NDST3: variants seen among roughly 807,000 people sequenced by gnomAD.
NDST3 encodes the protein bifunctional heparan sulfate N-deacetylase/N-sulfotransferase 3.
NDST3 carries 58 observed loss-of-function variants against 96.1 expected under a neutral mutation model. The ratio of observed to expected loss-of-function variants is 0.60; its 90% CI spans 0.49 to 0.75. The LOEUF is 0.75. Ranked by LOEUF, NDST3 falls within the 30% of genes least tolerant of loss-of-function variation. NDST3 has a pLI of 0.00. For missense variants in NDST3, 788 were observed against 1,034.2 expected (o/e 0.76, Z 3.27); for synonymous variants, 333 against 359.7 (o/e 0.93, Z 0.84).
rs1369526149 is a variant in NDST3 at position 118,054,506 on chromosome 4, C to T, written c.596C>T (p.Ser199Phe). 1 of 1,613,230 alleles carries T rather than the reference C, an allele frequency of 6.2e-7. No individual in the cohort carries two copies. The highest frequency in any genetic ancestry group is 1.1e-5 in the South Asian group (1 of 91,060). The change falls in exon 2 of 14, where the codon TCT becomes TTT. Residue 199 changes from serine to phenylalanine, a missense_variant. Coordinates refer to ENST00000296499, the MANE Select transcript of NDST3 (RefSeq NM_004784.3). ...AVKDCCINPH[S>F]PLIRVTKSSK... Reference sequence around the variant, plus strand: ...AAAGATTGTTGTATTAATCCTCATTCTCCATTGATTCGTGTGACCAAATCT... The same window carrying T: ...AAAGATTGTTGTATTAATCCTCATTTTCCATTGATTCGTGTGACCAAATCT...
At chr4:118,135,578 A>G (rs1195144225) in intron 4 of NDST3, among the ~76,000 whole-genome samples, 2 of 152,208 alleles carry the variant, frequency 1.3e-5, no homozygotes, top group African/African-American at 4.8e-5. Context: ...ATTTTAGAGA[A>G]CAGGAAACAA....
chr4:118,108,613 G>A (rs780130401), intron 3 of NDST3, among the ~76,000 whole-genome samples: 4 of 152,040 alleles, frequency 2.6e-5, no homozygotes, highest in Admixed American at 6.6e-5. Flanking sequence ...TTTTTAGATA[G>A]AAGCATACTG....
intron 6 of NDST3, among the ~76,000 whole-genome samples, chr4:118,173,276 T>G (rs186938680): frequency 6.6e-6 from 1 of 152,226 alleles, no homozygotes; most frequent in Admixed American, 6.5e-5. Context: ...AGAAGTTGCA[T>G]AATTGGACCA....
intron 1 of NDST3, among the ~76,000 whole-genome samples, chr4:118,039,331 T>TGAA (rs1376622005): frequency 6.6e-6 from 1 of 152,198 alleles, no homozygotes; most frequent in Non-Finnish European, 1.5e-5. Flanking sequence ...AAGGTAGCTG[T>TGAA]TCATAGAAGA....
chr4:118,231,928 GA>G (rs1204926147), intron 8 of NDST3, among the ~76,000 whole-genome samples: 2 of 151,936 alleles, frequency 1.3e-5, no homozygotes, highest in African/African-American at 4.8e-5. Context: ...CTCACTTTTT[GA>G]AAAATCACAC....
intron 6 of NDST3, among the ~76,000 whole-genome samples, chr4:118,186,056 T>C (rs1411149985): frequency 1.3e-5 from 2 of 152,148 alleles, no homozygotes; most frequent in African/African-American, 4.8e-5. Context: ...AGGTTATTTT[T>C]TGGGTAACGG....
intron 2 of NDST3, among the ~76,000 whole-genome samples, chr4:118,092,539 C>T (rs769758348): frequency 3.2e-4 from 48 of 151,856 alleles, no homozygotes; most frequent in Non-Finnish European, 6.2e-4. Context: ...TGTCCCTTCA[C>T]TGACCCTCCA....
chr4:118,151,214 A>C (rs1473521917), intron 6 of NDST3, among the ~76,000 whole-genome samples: 2 of 152,174 alleles, frequency 1.3e-5, no homozygotes, highest in Admixed American at 6.5e-5. Context: ...AGGAAGGGGA[A>C]CATTACACTC....
At chr4:118,101,332 C>A (rs1348214525) in intron 2 of NDST3, among the ~76,000 whole-genome samples, 2 of 149,268 alleles carry the variant, frequency 1.3e-5, no homozygotes, top group African/African-American at 2.5e-5. Context: ...TATTTTAATG[C>A]CTGCAAACTT....
At chr4:118,154,488 C>T (rs1331911078) in intron 6 of NDST3, among the ~76,000 whole-genome samples, 1 of 152,112 alleles carries the variant, frequency 6.6e-6, no homozygotes, top group East Asian at 1.9e-4. Flanking sequence ...GAATAGCAAG[C>T]CTAGTTTTAA....
intron 2 of NDST3, among the ~76,000 whole-genome samples, chr4:118,101,629 T>C (rs1425660792): frequency 4.6e-5 from 7 of 152,110 alleles, no homozygotes; most frequent in African/African-American, 1.4e-4. Flanking sequence ...TTCTAAAAAA[T>C]GTGTTGTTAG....
intron 6 of NDST3, among the ~76,000 whole-genome samples, chr4:118,174,103 T>G (rs1472818666): frequency 8.2e-6 from 1 of 122,050 alleles, no homozygotes; most frequent in Non-Finnish European, 1.6e-5. Flanking sequence ...ATAAACATAA[T>G]TTTTTGTGGT....
intron 6 of NDST3, among the ~76,000 whole-genome samples, chr4:118,171,227 C>A (rs1371180456): frequency 6.6e-6 from 1 of 152,162 alleles, no homozygotes; most frequent in Non-Finnish European, 1.5e-5. Context: ...AGAACTCAGT[C>A]AAAGCCAAAT....
intron 8 of NDST3, among the ~76,000 whole-genome samples, chr4:118,229,792 T>C (rs2125998233): frequency 6.6e-6 from 1 of 152,358 alleles, no homozygotes; most frequent in South Asian, 2.1e-4. Flanking sequence ...ATTTTTAACT[T>C]TAAAAATGCC....
intron 6 of NDST3, among the ~76,000 whole-genome samples, chr4:118,152,321 G>A (rs924908442): frequency 6.6e-6 from 1 of 152,128 alleles, no homozygotes; most frequent in African/African-American, 2.4e-5. Context: ...AGTTACCTCA[G>A]GTAATGGGAC....
intron 2 of NDST3, among the ~76,000 whole-genome samples, chr4:118,100,808 C>G (rs1423950620): frequency 6.6e-6 from 1 of 152,086 alleles, no homozygotes; most frequent in Non-Finnish European, 1.5e-5. Flanking sequence ...ATCATGTCTA[C>G]CACTTCTGAA....
chr4:118,124,860 A>G (rs1035314256), intron 4 of NDST3, among the ~76,000 whole-genome samples: 1 of 151,988 alleles, frequency 6.6e-6, no homozygotes, highest in Admixed American at 6.6e-5. Flanking sequence ...TTATCCAAAG[A>G]CTTTTGTTAC....
At chr4:118,082,718 T>A (rs1728119347) in intron 2 of NDST3, among the ~76,000 whole-genome samples, 1 of 152,154 alleles carries the variant, frequency 6.6e-6, no homozygotes, top group South Asian at 2.1e-4. Context: ...AAGATATGCA[T>A]AAATGTAAGA....
intron 2 of NDST3, among the ~76,000 whole-genome samples, chr4:118,078,696 C>T (rs1273552748): frequency 6.6e-6 from 1 of 151,114 alleles, no homozygotes; most frequent in Non-Finnish European, 1.5e-5. Context: ...TTGCAGTGAG[C>T]CAAGACTGCA....
Sources: allele counts gnomAD v4.1 joint callset (sites outside exome capture counted in the v4.1 genomes callset), GRCh38; gene constraint gnomAD v4.1.1; transcripts MANE v1.5; gene names NCBI Gene and HGNC (gene_info 2026-07-23, HGNC 2026-07-21).